SESTD1: variants seen among roughly 807,000 people sequenced by gnomAD.
SESTD1 encodes the protein SEC14 and spectrin domain containing 1, also known as SEC14 domain and spectrin repeat-containing protein 1.
Under a neutral mutation model 101.7 loss-of-function variants are expected in SESTD1, and 43 were observed. That is an observed-to-expected ratio of 0.42 (90% confidence interval 0.33 to 0.55). The LOEUF (loss-of-function observed/expected upper bound fraction) is 0.55. Ranked by LOEUF, SESTD1 falls within the 20% of genes least tolerant of loss-of-function variation. The pLI is 0.07. For synonymous variants in SESTD1, 283 were observed against 286.8 expected (o/e 0.99, Z 0.13); for missense variants, 647 against 815.1 (o/e 0.79, Z 2.51).
At position 179,124,519 on chromosome 2, in the gene SESTD1, C is replaced by A. The variant is rs760351327; in HGVS notation, c.1012G>T (p.Ala338Ser). 1 of 1,614,068 alleles carries A rather than the reference C, an allele frequency of 6.2e-7. No homozygotes were observed. Among genetic ancestry groups the A allele is most frequent in the African/African-American group, 1.3e-5 (1 of 75,034 alleles). The change falls in exon 11 of 18, where the codon GCA becomes TCA. Residue 338 changes from alanine to serine, a missense_variant. Ala to Ser is a moderately conservative substitution (Grantham distance 99). Around this residue, in one of 3 missense-constraint regions of SESTD1, gnomAD observed 476 missense variants for 562.6 expected, o/e 0.85. Transcript: ENST00000428443. Reference protein sequence around the residue: ...AVYVELNQQIAALLNAGDEED... With the variant: ...AVYVELNQQISALLNAGDEED... The stretch of plus-strand genomic sequence containing the variant: ...TCATCGCCAGCATTCAAGAGTGCTG[C>A]AATTTGCTGATTAAGTTCCACATAC...
At chr2:179,110,078 A>T in intron 17 of SESTD1, 50 bp from the exon 18 acceptor site, 1 of 1,588,754 alleles carries the variant, frequency 6.3e-7, no homozygotes, top group Non-Finnish European at 8.6e-7. Context: ...AAATCTATTA[A>T]CTGCAGTGAA....
intron 1 of SESTD1, among the ~76,000 whole-genome samples, chr2:179,205,557 T>A (rs2046579731): frequency 7.4e-6 from 1 of 135,510 alleles, no homozygotes; most frequent in Admixed American, 7.2e-5. Context: ...TTCCATTTCA[T>A]CACTAACTAT....
At chr2:179,226,096 C>A (rs1278849786) in intron 1 of SESTD1, among the ~76,000 whole-genome samples, 1 of 152,132 alleles carries the variant, frequency 6.6e-6, no homozygotes, top group East Asian at 1.9e-4. Context: ...AATCCTTAAA[C>A]ATATCAAAAA....
At chr2:179,155,734 C>T (rs2045616231) in intron 5 of SESTD1, among the ~76,000 whole-genome samples, 1 of 151,980 alleles carries the variant, frequency 6.6e-6, no homozygotes, top group Admixed American at 6.6e-5. Flanking sequence ...CTATCATGTC[C>T]CTTATTTATT....
intron 1 of SESTD1, among the ~76,000 whole-genome samples, chr2:179,223,209 T>TA (rs1379058439): frequency 6.6e-6 from 1 of 151,940 alleles, no homozygotes; most frequent in African/African-American, 2.4e-5. Flanking sequence ...TATTTTTGTA[T>TA]AAAAAAAATT....
chr2:179,241,674 G>A (rs2047155525), intron 1 of SESTD1, among the ~76,000 whole-genome samples: 1 of 152,008 alleles, frequency 6.6e-6, no homozygotes, highest in Admixed American at 6.5e-5. Context: ...TGTAATCCCA[G>A]CACTTTGGGA....
chr2:179,219,054 T>TCAAAGGAGCTCCCA (rs11272793), intron 1 of SESTD1, among the ~76,000 whole-genome samples: 69,180 of 151,992 alleles, frequency 0.46, 18,811 homozygotes, highest in African/African-American at 0.77. Context: ...TGCTTTTCCT[T>TCAAAGGAGCTCCCA]CCAGCTGTCT....
At chr2:179,139,914 T>C (rs1002058082) in intron 9 of SESTD1, among the ~76,000 whole-genome samples, 1 of 152,216 alleles carries the variant, frequency 6.6e-6, no homozygotes, top group African/African-American at 2.4e-5. Context: ...TTAACTTTGC[T>C]GTATTCCTGC....
At chr2:179,125,765 C>T (rs972132487) in intron 10 of SESTD1, among the ~76,000 whole-genome samples, 1 of 152,144 alleles carries the variant, frequency 6.6e-6, no homozygotes, top group Non-Finnish European at 1.5e-5. Flanking sequence ...CTATCAGTCT[C>T]CAATTCCCTT....
chr2:179,250,892 A>T (rs1350057414), intron 1 of SESTD1, among the ~76,000 whole-genome samples: 2 of 152,142 alleles, frequency 1.3e-5, no homozygotes, highest in Non-Finnish European at 2.9e-5. Flanking sequence ...TAAACATTCA[A>T]CTACCATACA....
chr2:179,155,459 T>A (rs892541668), intron 5 of SESTD1, among the ~76,000 whole-genome samples: 47 of 152,194 alleles, frequency 3.1e-4, no homozygotes, highest in African/African-American at 1.1e-3. Context: ...CACTCTCTCC[T>A]GAAAATGCAG....
intron 10 of SESTD1, among the ~76,000 whole-genome samples, chr2:179,124,868 C>T (rs999030272): frequency 3.3e-5 from 5 of 152,226 alleles, no homozygotes; most frequent in South Asian, 2.1e-4. Flanking sequence ...TTGGGTGCCT[C>T]GTTCCTCACT....
chr2:179,258,314 CTA>C (rs1240843177), intron 1 of SESTD1, among the ~76,000 whole-genome samples: 3 of 152,162 alleles, frequency 2.0e-5, no homozygotes, highest in African/African-American at 7.2e-5. Context: ...ACTTTCTAAA[CTA>C]TTACTGAATC....
rs1348282343 is a variant in SESTD1, at chr2:179,106,219, C to G, written c.*3680G>C. ...AGATCTCACTACTGATGATAATATA[C>G]TTAATGGTGCTTGTTTCTGCCTGTA... On this transcript the variant is annotated 3_prime_UTR_variant, in exon 18 of 18. Coordinates refer to ENST00000428443, the MANE Select transcript of SESTD1 (RefSeq NM_178123.5). 1 of 152,106 alleles carries G rather than the reference C, an allele frequency of 6.6e-6. No individual in the cohort carries two copies. Among genetic ancestry groups the G allele is most frequent in the African/African-American group, 2.4e-5 (1 of 41,428 alleles). The allele number at this position is 152,106 out of a possible 1,614,324, so 9.4% of individuals were successfully genotyped here.
chr2:179,116,837 T>G, intron 14 of SESTD1, 47 bp from the exon 15 acceptor site: 1 of 1,591,502 alleles, frequency 6.3e-7, no homozygotes. Flanking sequence ...AACTCTTTAC[T>G]TATTGTATCA....
chr2:179,169,739 T>C (rs2045898010), intron 5 of SESTD1, among the ~76,000 whole-genome samples: 2 of 152,168 alleles, frequency 1.3e-5, no homozygotes, highest in South Asian at 4.2e-4. Flanking sequence ...CCCAGCACTT[T>C]GGGAGGCCGA....
chr2:179,247,993 A>G (rs929232618), intron 1 of SESTD1, among the ~76,000 whole-genome samples: 2 of 151,924 alleles, frequency 1.3e-5, no homozygotes, highest in Admixed American at 1.3e-4. Flanking sequence ...AAGAGAAAAA[A>G]TCTCAAACCA....
At chr2:179,128,725 C>T (rs1251436458) in intron 10 of SESTD1, among the ~76,000 whole-genome samples, 1 of 127,024 alleles carries the variant, frequency 7.9e-6, no homozygotes, top group East Asian at 2.3e-4. Flanking sequence ...TAGACACTGT[C>T]TCAAAAAAAA....
At position 179,149,407 on chromosome 2, in the gene SESTD1, T is replaced by C. The variant is rs749707909; in HGVS notation, c.484-13A>G. 3 of 1,526,438 alleles carry C rather than the reference T, an allele frequency of 2.0e-6. No individual in the cohort carries two copies. The South Asian group carries it at 3.5e-5, about 18-fold the overall frequency. The allele number at this position is 1,526,438 out of a possible 1,614,324, so 94.6% of individuals were successfully genotyped here. A position where few individuals can be genotyped will look rare whatever the true frequency, so the allele number is the denominator to read the frequency against. ...ACTTCTCAAAAACCTACAATATGAG[T>C]TTTATTAACATACTAAGAACAGTCT... On this transcript the variant is annotated splice_polypyrimidine_tract_variant and intron_variant, in intron 6 of 17. Coordinates refer to ENST00000428443, the MANE Select transcript of SESTD1 (RefSeq NM_178123.5).
Sources: allele counts gnomAD v4.1 joint callset (sites outside exome capture counted in the v4.1 genomes callset), GRCh38; gene constraint gnomAD v4.1.1; regional missense constraint gnomAD v4.1.1; transcripts MANE v1.5; gene names NCBI Gene and HGNC (gene_info 2026-07-23, HGNC 2026-07-21).